Variants in PPA2 observed in about 807,000 individuals in gnomAD.
PPA2 encodes inorganic pyrophosphatase 2, mitochondrial.
In PPA2, 48 loss-of-function variants were observed where a neutral mutation model predicts 49.5. That is an observed-to-expected ratio of 0.97 (90% confidence interval 0.77 to 1.23). PPA2 has a LOEUF of 1.23. Ranked by LOEUF, PPA2 falls within the 50% of genes most tolerant of loss-of-function variation. The probability of loss-of-function intolerance (pLI) is 0.00; values close to 1 mark genes in which losing one functional copy is unlikely to be tolerated. For synonymous variants in PPA2, 131 were observed against 139.9 expected (o/e 0.94, Z 0.45); for missense variants, 429 against 410.1 (o/e 1.05, Z -0.40).
intron 8 of PPA2, among the ~76,000 whole-genome samples, chr4:105,397,563 G>A (rs73838084): frequency 0.01 from 1,593 of 152,292 alleles, 29 homozygotes; most frequent in African/African-American, 0.034. Flanking sequence ...GCTATGGTTT[G>A]AGGGGATTTG....
chr4:105,407,426 T>C (rs1722533468), intron 7 of PPA2, among the ~76,000 whole-genome samples: 1 of 152,196 alleles, frequency 6.6e-6, no homozygotes, highest in South Asian at 2.1e-4. Context: ...GGTAAACAAT[T>C]TGACAGTTTC....
intron 6 of PPA2, among the ~76,000 whole-genome samples, chr4:105,425,080 T>C (rs769540732): frequency 2.6e-5 from 4 of 152,190 alleles, no homozygotes; most frequent in Non-Finnish European, 5.9e-5. Context: ...AACAAAGTTT[T>C]AAAAGTGCCT....
intron 7 of PPA2, among the ~76,000 whole-genome samples, chr4:105,420,428 A>G (rs925873426): frequency 9.2e-5 from 14 of 152,154 alleles, no homozygotes; most frequent in African/African-American, 3.4e-4. Flanking sequence ...TTAAATGCCT[A>G]ATAACAATAA....
chr4:105,409,554 C>G (rs900194263), intron 7 of PPA2, among the ~76,000 whole-genome samples: 1 of 152,222 alleles, frequency 6.6e-6, no homozygotes, highest in Non-Finnish European at 1.5e-5. Context: ...CCCAGCACAG[C>G]GTTTGAACTC....
At chr4:105,442,165 T>C (rs1724402333) in intron 5 of PPA2, among the ~76,000 whole-genome samples, 1 of 152,194 alleles carries the variant, frequency 6.6e-6, no homozygotes. Flanking sequence ...CCATCACCTA[T>C]GCTTTCCCAG....
At chr4:105,462,628 C>T (rs946660345) in intron 1 of PPA2, among the ~76,000 whole-genome samples, 3 of 152,222 alleles carry the variant, frequency 2.0e-5, no homozygotes, top group South Asian at 2.1e-4. Context: ...TCTTAATTGG[C>T]TAATGTTAAT....
intron 10 of PPA2, among the ~76,000 whole-genome samples, chr4:105,380,345 T>C (rs1422420557): frequency 6.6e-6 from 1 of 152,212 alleles, no homozygotes; most frequent in Non-Finnish European, 1.5e-5. Context: ...GTGATATTAC[T>C]TGTTTTGTGC....
intron 1 of PPA2, among the ~76,000 whole-genome samples, chr4:105,469,466 G>A (rs1034132497): frequency 3.9e-5 from 6 of 152,170 alleles, no homozygotes; most frequent in African/African-American, 1.4e-4. Flanking sequence ...CTAATTTTAT[G>A]TATCTATACC....
intron 10 of PPA2, among the ~76,000 whole-genome samples, chr4:105,374,826 T>A (rs969029755): frequency 6.6e-6 from 1 of 151,828 alleles, no homozygotes; most frequent in African/African-American, 2.4e-5. Flanking sequence ...TGAATTAAAG[T>A]GCCTTGGACA....
intron 8 of PPA2, 61 bp from the exon 9 acceptor site, chr4:105,396,395 A>G (rs1578814628): frequency 9.0e-7 from 1 of 1,116,558 alleles, no homozygotes; most frequent in East Asian, 2.6e-5. Context: ...TGTTACACTA[A>G]CACAAAACTA....
At chr4:105,381,286 T>G (rs192761211) in intron 10 of PPA2, among the ~76,000 whole-genome samples, 1 of 152,226 alleles carries the variant, frequency 6.6e-6, no homozygotes, top group African/African-American at 2.4e-5. Context: ...CCAGTCCTTT[T>G]ATCATTTACA....
chr4:105,474,025 CGCA>C lies in PPA2; in HGVS notation c.23_25del (p.Leu8del). 1 of 1,591,098 alleles carries C rather than the reference CGCA, an allele frequency of 6.3e-7. No individual in the cohort carries two copies. The highest frequency in any genetic ancestry group is 8.6e-7 in the Non-Finnish European group (1 of 1,168,828). ...GCACGCAGCGGCTGGGGCACCCGTGCGCAGCAGCCGCAGCAGCGCGCTCATGGC... is the reference window on the plus strand; with the variant it reads ...GCACGCAGCGGCTGGGGCACCCGTGCGCAGCCGCAGCAGCGCGCTCATGGC... On this transcript the variant is annotated inframe_deletion, in exon 1 of 12. Coordinates refer to ENST00000341695, the MANE Select transcript of PPA2 (RefSeq NM_176869.3).
rs757070003 is a variant in PPA2 at position 105,473,501 on chromosome 4, C to G, written c.157+393G>C. ...CTAGGAAGGCCGGCGTGTGGGCGGG[C>G]TCTGCCTTCCCTTCCTCACTGAGTT... On this transcript the variant is annotated intron_variant, in intron 1 of 11. Transcript: ENST00000341695. 7 of 441,348 alleles carry G rather than the reference C, an allele frequency of 1.6e-5. No homozygotes were observed. In the East Asian group the frequency reaches 4.6e-4, roughly 29 times the overall value. 27.3% of individuals were successfully genotyped at this position (441,348 alleles called of 1,614,324 possible).
At chr4:105,396,119 C>T in intron 9 of PPA2, 130 bp downstream of exon 9, 1 of 491,144 alleles carries the variant, frequency 2.0e-6, no homozygotes, top group Non-Finnish European at 3.6e-6. Flanking sequence ...CTTAGTAATG[C>T]CCAATGAATA....
chr4:105,456,463 T>G (rs1402011953), intron 2 of PPA2: 1 of 514,418 alleles, frequency 1.9e-6, no homozygotes, highest in Non-Finnish European at 3.6e-6. Flanking sequence ...CTAAGTTTTA[T>G]GTACCAGTAA....
At chr4:105,407,187 A>C (rs1219789779) in intron 7 of PPA2, 1 of 150,676 alleles carries the variant, frequency 6.6e-6, no homozygotes, top group Non-Finnish European at 1.5e-5. Context: ...CCAGGTGGAA[A>C]CTAAGATCTA....
chr4:105,449,636 C>T (rs758500550), intron 3 of PPA2, among the ~76,000 whole-genome samples: 1 of 152,112 alleles, frequency 6.6e-6, no homozygotes, highest in African/African-American at 2.4e-5. Flanking sequence ...TCAGAGGTTA[C>T]GAGTCTGAGA....
chr4:105,372,513 G>A (rs951523632), intron 10 of PPA2, among the ~76,000 whole-genome samples: 6 of 152,194 alleles, frequency 3.9e-5, no homozygotes, highest in African/African-American at 1.4e-4. Context: ...ATTTAAACCA[G>A]TGAACTCTGA....
At chr4:105,454,535 C>T (rs761580434) in intron 2 of PPA2, among the ~76,000 whole-genome samples, 3 of 152,062 alleles carry the variant, frequency 2.0e-5, no homozygotes, top group African/African-American at 7.2e-5. Flanking sequence ...GGGTTTCAAC[C>T]GTGTTAGCCA....
Sources: allele counts gnomAD v4.1 joint callset (sites outside exome capture counted in the v4.1 genomes callset), GRCh38; gene constraint gnomAD v4.1.1; transcripts MANE v1.5; gene names NCBI Gene and HGNC (gene_info 2026-07-23, HGNC 2026-07-21).